The following NBEA variants were observed in gnomAD, a reference collection of about 807,000 sequenced individuals.
The protein encoded by NBEA is lysosomal-trafficking regulator 2.
Under a neutral mutation model 343.4 loss-of-function variants are expected in NBEA, and 44 were observed. That is an observed-to-expected ratio of 0.13 (90% CI 0.10 to 0.16). NBEA has a LOEUF of 0.16. Among genes scored for constraint, NBEA ranks in the 10% least tolerant of loss-of-function variants. The probability of loss-of-function intolerance (pLI) is 1.00; values close to 1 mark genes in which losing one functional copy is unlikely to be tolerated. For missense variants in NBEA, 2,555 were observed against 3,631.3 expected, an observed-to-expected ratio of 0.70 and a Z score of 7.62; for synonymous variants, 1,175 against 1,238.7, an observed-to-expected ratio of 0.95 and a Z score of 1.08.
rs1377949956 is a variant in NBEA, at chr13:35,599,730, G to A, written c.7296+6283G>A. Among the ~76,000 whole-genome samples, 3 of 152,342 alleles carry A rather than the reference G, an allele frequency of 2.0e-5. No homozygotes were observed. In the East Asian group the frequency reaches 5.8e-4, roughly 29 times the overall value. ...TAGACTCCACCTCTTTATGGGAGGA[G>A]TAAACTGGAGATGCCAAAGGGCTTG... On this transcript the variant is annotated intron_variant, in intron 47 of 58. Transcript: ENST00000379939.
chr13:34,946,759 A>G (rs1593252577), intron 1 of NBEA, among the ~76,000 whole-genome samples: 1 of 150,894 alleles, frequency 6.6e-6, no homozygotes, highest in East Asian at 1.9e-4. Context: ...AAGCCTAATA[A>G]GATGCTTTGA....
intron 36 of NBEA, among the ~76,000 whole-genome samples, chr13:35,323,315 A>G (rs953369170): frequency 2.6e-5 from 4 of 152,066 alleles, no homozygotes; most frequent in Admixed American, 1.3e-4. Flanking sequence ...GAACCAACCC[A>G]AATGTCCAAC....
intron 38 of NBEA, among the ~76,000 whole-genome samples, chr13:35,359,663 A>G (rs1003520992): frequency 2.0e-5 from 3 of 152,142 alleles, no homozygotes; most frequent in Non-Finnish European, 2.9e-5. Context: ...TTTAACATGC[A>G]TATTTCCAGA....
At chr13:35,400,950 C>T (rs1256394098) in intron 38 of NBEA, among the ~76,000 whole-genome samples, 1 of 151,858 alleles carries the variant, frequency 6.6e-6, no homozygotes, top group African/African-American at 2.4e-5. Context: ...CCACATGGCA[C>T]ATCCCTCTTT....
rs2062794502 is a variant in NBEA, at chr13:35,044,969, G to A, written c.549G>A (p.Gly183=). 4 of 1,611,020 alleles carry A rather than the reference G, an allele frequency of 2.5e-6. No individual in the cohort carries two copies. The Admixed American group carries it at 6.7e-5, about 27-fold the overall frequency. Residue 183 remains glycine, a synonymous_variant, in exon 3 of 59, where the codon GGG becomes GGA. Transcript: ENST00000379939. Reference sequence around the variant, plus strand: ...AAGATCTTCTAGTTGATATGTTGGGGGTTCTTGCCAGCTACAGCATCACTG... The same window carrying A: ...AAGATCTTCTAGTTGATATGTTGGGAGTTCTTGCCAGCTACAGCATCACTG... ...MIADLLVDML[G]VLASYSITVK...
chr13:35,281,697 T>A (rs2035063866), intron 34 of NBEA, among the ~76,000 whole-genome samples: 1 of 152,088 alleles, frequency 6.6e-6, no homozygotes, highest in Non-Finnish European at 1.5e-5. Flanking sequence ...AAAACACCAG[T>A]GCTTTTTTGA....
chr13:35,054,323 AATTT>A (rs1451553066), intron 6 of NBEA, among the ~76,000 whole-genome samples: 2 of 152,034 alleles, frequency 1.3e-5, no homozygotes, highest in African/African-American at 4.8e-5. Context: ...ATTTTCCTTA[AATTT>A]ATTTGACACT....
chr13:35,567,295 A>G (rs2080181350), intron 45 of NBEA, among the ~76,000 whole-genome samples: 1 of 152,206 alleles, frequency 6.6e-6, no homozygotes, highest in South Asian at 2.1e-4. Context: ...GTCAAGGTTA[A>G]AAACCTAAAA....
chr13:35,508,250 C>T (rs1327544950), intron 41 of NBEA, among the ~76,000 whole-genome samples: 1 of 152,038 alleles, frequency 6.6e-6, no homozygotes, highest in Non-Finnish European at 1.5e-5. Context: ...ATTTGAAAAA[C>T]ATGCAATATA....
chr13:35,100,725 C>T (rs1304817454), intron 11 of NBEA, among the ~76,000 whole-genome samples: 1 of 151,850 alleles, frequency 6.6e-6, no homozygotes, highest in East Asian at 1.9e-4. Context: ...TTAGTGGATG[C>T]AAAATATTTC....
rs545172262 is a variant in NBEA, at chr13:35,002,705, A to T, written c.295-38228A>T. On this transcript the variant is annotated intron_variant, in intron 1 of 58. Coordinates refer to ENST00000379939, the MANE Select transcript of NBEA (RefSeq NM_001385012.1). ...CTTATTAATCAAAATAGGAACCATT[A>T]CAATCAACACATCTTTTGCCAATGA... is the stretch of plus-strand genomic sequence containing the variant. Among the ~76,000 whole-genome samples the T allele has an allele frequency of 1.0e-3, 157 of 152,308 alleles. 1 individual carries two copies. Among genetic ancestry groups the T allele is most frequent in the Middle Eastern group, 3.4e-3 (1 of 294 alleles).
intron 44 of NBEA, among the ~76,000 whole-genome samples, chr13:35,561,701 T>C (rs946444039): frequency 2.0e-5 from 3 of 152,174 alleles, no homozygotes; most frequent in African/African-American, 7.2e-5. Context: ...TATCATAGTA[T>C]TAATGCATTA....
intron 1 of NBEA, among the ~76,000 whole-genome samples, chr13:34,987,063 G>A (rs909458761): frequency 4.6e-5 from 7 of 150,840 alleles, no homozygotes; most frequent in East Asian, 1.9e-4. Context: ...GCTGTTAGCC[G>A]GTTATTTTGC....
At chr13:35,255,839 T>C (rs944394864) in intron 34 of NBEA, among the ~76,000 whole-genome samples, 1 of 152,156 alleles carries the variant, frequency 6.6e-6, no homozygotes, top group African/African-American at 2.4e-5. Context: ...ATTTGGTGAG[T>C]CCCAAGTTCT....
intron 24 of NBEA, among the ~76,000 whole-genome samples, chr13:35,166,840 G>A (rs1421775020): frequency 2.6e-5 from 4 of 151,932 alleles, no homozygotes; most frequent in African/African-American, 9.7e-5. Flanking sequence ...GAATATTTGG[G>A]CTTTTTATAT....
intron 45 of NBEA, among the ~76,000 whole-genome samples, chr13:35,578,534 G>A (rs1246108184): frequency 6.6e-6 from 1 of 152,128 alleles, no homozygotes; most frequent in East Asian, 1.9e-4. Flanking sequence ...TTCATATTTA[G>A]CAATGAAAAA....
At chr13:35,587,871 C>A (rs906457840) in intron 46 of NBEA, among the ~76,000 whole-genome samples, 5 of 152,064 alleles carry the variant, frequency 3.3e-5, no homozygotes, top group African/African-American at 7.2e-5. Flanking sequence ...CCTACACATG[C>A]CCTTGTCTAT....
At chr13:35,275,559 G>A (rs143563399) in intron 34 of NBEA, among the ~76,000 whole-genome samples, 3,512 of 152,226 alleles carry the variant, frequency 0.023, 50 homozygotes, top group Non-Finnish European at 0.033. Flanking sequence ...TCATCAGAGT[G>A]AACAGGCAAC....
At chr13:35,447,593 T>C (rs1290032495) in intron 39 of NBEA, among the ~76,000 whole-genome samples, 1 of 152,122 alleles carries the variant, frequency 6.6e-6, no homozygotes, top group Non-Finnish European at 1.5e-5. Flanking sequence ...TGGATTTAGC[T>C]TCCTTGAGCT....
Sources: allele counts gnomAD v4.1 joint callset (sites outside exome capture counted in the v4.1 genomes callset), GRCh38; gene constraint gnomAD v4.1.1; transcripts MANE v1.5; gene names NCBI Gene and HGNC (gene_info 2026-07-23, HGNC 2026-07-21).